Variants in STOX2 observed in about 807,000 individuals in gnomAD.
The protein encoded by STOX2 is storkhead box 2.
STOX2 carries 28 observed loss-of-function variants against 60.9 expected under a neutral mutation model. That is an observed-to-expected ratio of 0.46 (90% CI 0.34 to 0.63). The LOEUF is 0.63. STOX2 is among the 30% of genes least tolerant of loss of function. The pLI is 0.01. For synonymous variants in STOX2, 472 were observed against 463.9 expected (o/e 1.02, Z -0.22); for missense variants, 1,024 against 1,187.7 (o/e 0.86, Z 2.03).
At chr4:183,888,708 G>C (rs1741139249) in intron 1 of STOX2, among the ~76,000 whole-genome samples, 2 of 152,182 alleles carry the variant, frequency 1.3e-5, no homozygotes, top group Non-Finnish European at 2.9e-5. Flanking sequence ...AGAAGCCAGA[G>C]GTTTGCAGAG....
intron 1 of STOX2, among the ~76,000 whole-genome samples, chr4:183,867,047 C>T (rs1374223038): frequency 6.6e-6 from 1 of 151,884 alleles, no homozygotes; most frequent in Non-Finnish European, 1.5e-5. Context: ...TATGAGTGGG[C>T]ACTATTTACA....
chr4:183,857,670 G>A (rs1447118537), intron 1 of STOX2, among the ~76,000 whole-genome samples: 2 of 152,158 alleles, frequency 1.3e-5, no homozygotes, highest in African/African-American at 4.8e-5. Flanking sequence ...GGGCAGCTGT[G>A]GAATGGAGGA....
chr4:183,813,803 CTG>C (rs1560827523), intron 1 of STOX2, among the ~76,000 whole-genome samples: 1 of 152,062 alleles, frequency 6.6e-6, no homozygotes, highest in Non-Finnish European at 1.5e-5. Flanking sequence ...CATTTTAACA[CTG>C]GGGGAAAAAC....
In STOX2 at chr4:183,880,594, C is replaced by G. The variant is rs73870939; in HGVS notation, c.364+82539C>G. ...TGTCCAGAAAAAGTATGTTTGGAGA[C>G]TAGGAGAACAGAAAAGATGGCACTA... is the stretch of plus-strand genomic sequence containing the variant. On this transcript the variant is annotated intron_variant, in intron 1 of 2. Coordinates refer to the STOX2 transcript ENST00000513034. 1.6e-3 allele frequency among the ~76,000 whole-genome samples: 241 copies of G among 152,182 alleles called. 1 individual carries two copies. Among genetic ancestry groups the G allele is most frequent in the African/African-American group, 5.3e-3 (219 of 41,500 alleles).
At position 184,019,609 on chromosome 4, in the gene STOX2, T is replaced by C. The variant is rs1734499078; in HGVS notation, c.*2325T>C. The C allele has an allele frequency of 6.6e-6, 1 of 152,196 alleles. No individual in the cohort carries two copies. The highest frequency in any genetic ancestry group is 6.5e-5 in the Admixed American group (1 of 15,290). 9.4% of individuals were successfully genotyped at this position (152,196 alleles called of 1,614,324 possible). A position where few individuals can be genotyped will look rare whatever the true frequency, so the allele number is the denominator to read the frequency against. On this transcript the variant is annotated 3_prime_UTR_variant, in exon 4 of 4. Coordinates refer to ENST00000308497, the MANE Select transcript of STOX2 (RefSeq NM_020225.3). Reference sequence around the variant, plus strand: ...TTATTGATATTTCACAAGATATAGGTTTACAGAAGACATTATTCAAATAAA... The same window carrying C: ...TTATTGATATTTCACAAGATATAGGCTTACAGAAGACATTATTCAAATAAA...
At chr4:183,842,379 A>T (rs1408143235) in intron 1 of STOX2, among the ~76,000 whole-genome samples, 1 of 152,190 alleles carries the variant, frequency 6.6e-6, no homozygotes, top group African/African-American at 2.4e-5. Flanking sequence ...GCTCCTATCA[A>T]TTTCCCTTTA....
rs1163584214 is a variant in STOX2, at chr4:184,011,446, A to C, written c.2585+23A>C. 6.3e-7 allele frequency: 1 copy of C among 1,595,194 alleles called. No individual in the cohort carries two copies. Among genetic ancestry groups the C allele is most frequent in the Non-Finnish European group, 8.5e-7 (1 of 1,170,320 alleles). On this transcript the variant is annotated intron_variant, in intron 3 of 3. Transcript: ENST00000308497. This position sits in a 1 kb window ranked among gnomAD's most constrained non-coding sequence, Gnocchi z 4.4. ...ACGGTAGGGAGAGGTGTCTCTGTGC[A>C]CACACATGCGCCTAGCGGGGCCTGG...
At position 183,849,778 on chromosome 4, in the gene STOX2, G is replaced by A. The variant is rs184801984; in HGVS notation, c.364+51723G>A. Among the ~76,000 whole-genome samples the A allele has an allele frequency of 1.4e-4, 22 of 152,068 alleles. No homozygotes were observed. The East Asian group carries it at 4.1e-3, about 28-fold the overall frequency. On this transcript the variant is annotated intron_variant, in intron 1 of 2. Transcript: ENST00000513034. ...GAGGGCGTTGGGAGTTCGGCACATC[G>A]TTTTTGTGTATGCACCATGAAGGAG...
rs200552609 is a variant in STOX2 at position 184,009,136 on chromosome 4, G to T, written c.320-22G>T. 3,404 of 716,608 alleles carry T rather than the reference G, an allele frequency of 4.8e-3. 56 individuals carry two copies. The Admixed American group carries it at 0.057, about 12-fold the overall frequency. The allele number at this position is 716,608 out of a possible 1,614,324, so 44.4% of individuals were successfully genotyped here. A position where few individuals can be genotyped will look rare whatever the true frequency, so the allele number is the denominator to read the frequency against. ...TGTTCTGTCTTCATTCTCACAAGTG[G>T]TTTTTTTTTTTTTTTTTTCAGGTGT... On this transcript the variant is annotated intron_variant, in intron 2 of 3. Transcript: ENST00000308497. This position sits in a 1 kb window ranked among gnomAD's most constrained non-coding sequence, Gnocchi z 4.0.
chr4:183,982,102 C>T (rs746724891), intron 1 of STOX2, among the ~76,000 whole-genome samples: 2 of 152,218 alleles, frequency 1.3e-5, no homozygotes, highest in African/African-American at 2.4e-5. Context: ...ATCTTTGCAA[C>T]CTGGGCAAGT....
chr4:183,917,683 C>T (rs915513596), intron 1 of STOX2, among the ~76,000 whole-genome samples: 1 of 152,220 alleles, frequency 6.6e-6, no homozygotes, highest in Non-Finnish European at 1.5e-5. Context: ...AGAGTGAACA[C>T]GTCCCAGAGA....
At chr4:183,984,092 C>T (rs565107784) in intron 1 of STOX2, among the ~76,000 whole-genome samples, 2 of 152,358 alleles carry the variant, frequency 1.3e-5, no homozygotes, top group South Asian at 4.1e-4. Flanking sequence ...TTCCTCCCTG[C>T]AGGTCAGTCC....
chr4:183,925,383 A>G (rs1000972879), intron 1 of STOX2, among the ~76,000 whole-genome samples: 36 of 152,220 alleles, frequency 2.4e-4, no homozygotes, highest in Admixed American at 5.9e-4. Flanking sequence ...GGGTCTTGCT[A>G]TGTTGCCCAG....
intron 3 of STOX2, among the ~76,000 whole-genome samples, chr4:184,016,883 G>C (rs980969866): frequency 6.6e-6 from 1 of 152,202 alleles, no homozygotes; most frequent in African/African-American, 2.4e-5. Context: ...CACTGAGTGT[G>C]CTGCTGATTA....
chr4:183,992,070 A>G (rs575570793), intron 1 of STOX2, among the ~76,000 whole-genome samples: 1 of 152,222 alleles, frequency 6.6e-6, no homozygotes, highest in Admixed American at 6.5e-5. Flanking sequence ...CTGATCCCCT[A>G]TCCTTTCTTT....
At chr4:183,869,190 G>A (rs989505873) in intron 1 of STOX2, among the ~76,000 whole-genome samples, 6 of 152,290 alleles carry the variant, frequency 3.9e-5, no homozygotes, top group South Asian at 2.1e-4. Context: ...AAAGCAAGCC[G>A]TGCTATCTTT....
Position 183,918,044 on chromosome 4 carries a change from G to A in STOX2, c.166+11088G>A, listed in dbSNP as rs939332411. 3.9e-5 allele frequency among the ~76,000 whole-genome samples: 6 copies of A among 152,178 alleles called. 1 individual carries two copies. Among genetic ancestry groups the A allele is most frequent in the Non-Finnish European group, 8.8e-5 (6 of 68,036 alleles). On this transcript the variant is annotated intron_variant, in intron 1 of 3. Transcript: ENST00000308497. ...CATCTTTGCTACTGTTATTTCTTTTGGAACAGAACTATACAGGATTGACTG... is the reference window on the plus strand; with the variant it reads ...CATCTTTGCTACTGTTATTTCTTTTAGAACAGAACTATACAGGATTGACTG...
At position 184,011,481 on chromosome 4, in the gene STOX2, C is replaced by T; in HGVS notation, c.2585+58C>T. 6.3e-7 allele frequency: 1 copy of T among 1,584,428 alleles called. No individual in the cohort carries two copies. Among genetic ancestry groups the T allele is most frequent in the South Asian group, 1.2e-5 (1 of 86,478 alleles). Reference sequence around the variant, plus strand: ...GCCTAGCGGGGCCTGGGGCTTTATGCACGTAACTTGACAAGTTTCTGATTT... The same window carrying T: ...GCCTAGCGGGGCCTGGGGCTTTATGTACGTAACTTGACAAGTTTCTGATTT... On this transcript the variant is annotated intron_variant, in intron 3 of 3. Coordinates refer to ENST00000308497, the MANE Select transcript of STOX2 (RefSeq NM_020225.3). This position sits in a 1 kb window ranked among gnomAD's most constrained non-coding sequence, Gnocchi z 4.4.
At chr4:183,948,540 C>CTTTTTTTTTTTTTTTTTTTT (rs10687778) in intron 1 of STOX2, among the ~76,000 whole-genome samples, 2 of 78,182 alleles carry the variant, frequency 2.6e-5, no homozygotes, top group Non-Finnish European at 2.3e-5. Flanking sequence ...ATGCCTTATC[C>CTTTTTTTTTTTTTTTTTTTT]TTTTTTTTTT....
Sources: gnomAD v4.1 joint callset for allele counts (sites outside exome capture counted in the v4.1 genomes callset) on GRCh38, gnomAD v4.1.1 for gene constraint, Gnocchi (gnomAD v3.1) non-coding constraint, MANE v1.5 for transcripts, NCBI Gene and HGNC (gene_info 2026-07-23, HGNC 2026-07-21) for gene names.